The following CHD1L variants were observed in gnomAD, a reference collection of about 807,000 sequenced individuals.
CHD1L encodes ATP-dependent chromatin remodeler CHD1L.
A neutral mutation model predicts 115.9 loss-of-function variants in CHD1L; 118 were observed. The ratio of observed to expected loss-of-function variants is 1.02; its 90% CI spans 0.88 to 1.19. CHD1L has a LOEUF of 1.19. Ranked by LOEUF, CHD1L falls within the 50% of genes most tolerant of loss-of-function variation. The probability of loss-of-function intolerance (pLI) is 0.00; values close to 1 mark genes in which losing one functional copy is unlikely to be tolerated. For missense variants in CHD1L, 1,179 were observed against 1,065.3 expected (o/e 1.11, Z -1.49); for synonymous variants, 411 against 387.1 (o/e 1.06, Z -0.72).
the CHD1L span, among the ~76,000 whole-genome samples, chr1:147,220,161 T>G: frequency 6.6e-6 from 1 of 152,112 alleles, no homozygotes; most frequent in Non-Finnish European, 1.5e-5. Context: ...TATACTAGAA[T>G]GAACAACTGG....
chr1:147,207,909 T>G, the CHD1L span, among the ~76,000 whole-genome samples: 4 of 152,338 alleles, frequency 2.6e-5, no homozygotes, highest in African/African-American at 9.6e-5. Flanking sequence ...CACCACTGCC[T>G]GAGACAGACA....
At chr1:147,263,390 C>G (rs1364129977) in intron 6 of CHD1L, among the ~76,000 whole-genome samples, 2 of 144,098 alleles carry the variant, frequency 1.4e-5, no homozygotes, top group African/African-American at 2.6e-5. Context: ...GATCATGCCT[C>G]TGTACTCCAG....
At chr1:147,290,120 T>C (rs1684923578) in intron 19 of CHD1L, among the ~76,000 whole-genome samples, 1 of 151,872 alleles carries the variant, frequency 6.6e-6, no homozygotes, top group Admixed American at 6.6e-5. Context: ...TGAGATGGAG[T>C]CTCATTGTCT....
At chr1:147,183,058 C>T in the CHD1L span, among the ~76,000 whole-genome samples, 23 of 152,262 alleles carry the variant, frequency 1.5e-4, no homozygotes, top group African/African-American at 4.8e-4. Context: ...ATTAGCCAGG[C>T]GTGGTGGCGG....
In CHD1L at chr1:147,254,862, T is replaced by C. The variant is rs1669569766; in HGVS notation, c.241-8T>C. The C allele has an allele frequency of 1.9e-6, 3 of 1,573,620 alleles. No homozygotes were observed. The Admixed American group carries it at 5.9e-5, about 31-fold the overall frequency. ...GATCAAAACTGCCTTTCTTTTTCTGTGTTCCAGACTATTGCTCTCTTCATT... is the reference window on the plus strand; with the variant it reads ...GATCAAAACTGCCTTTCTTTTTCTGCGTTCCAGACTATTGCTCTCTTCATT... On this transcript the variant is annotated splice_polypyrimidine_tract_variant and splice_region_variant and intron_variant, in intron 2 of 22. Transcript: ENST00000369258.
Position 147,255,889 on chromosome 1 carries a change from C to T in CHD1L, c.424C>T (p.Gln142Ter). 1 of 1,613,820 alleles carries T rather than the reference C, an allele frequency of 6.2e-7. No individual in the cohort carries two copies. Among genetic ancestry groups the T allele is most frequent in the South Asian group, 1.1e-5 (1 of 91,024 alleles). The change falls in exon 4 of 23, where the codon CAG becomes TAG. Residue 142 changes from glutamine (Q) to a stop codon, truncating the protein, a stop_gained. Transcript: ENST00000369258. LOFTEE classifies it high-confidence loss of function. ...AGCCTGCCTTCAGCAAGACCTGAAA[C>T]AGGAGTCACGTTTTCATGTGCTACT... ...ERACLQQDLK[Q>*]ESRFHVLLTT... is the part of the protein sequence containing the mutation.
chr1:147,203,244 C>T, the CHD1L span: 4 of 1,190,750 alleles, frequency 3.4e-6, no homozygotes, highest in South Asian at 5.4e-5. Context: ...ACAAATACAG[C>T]CTTCACCTAC....
intron 19 of CHD1L, among the ~76,000 whole-genome samples, chr1:147,288,329 A>AAAAAAAG (rs1684116275): frequency 3.7e-3 from 5 of 1,352 alleles, no homozygotes; most frequent in Non-Finnish European, 9.6e-3. Flanking sequence ...TTTCAATAAA[A>AAAAAAAG]AAAAAAAAAA....
At chr1:147,274,367 A>G (rs7545255) in intron 12 of CHD1L, among the ~76,000 whole-genome samples, 55,075 of 151,904 alleles carry the variant, frequency 0.36, 10,064 homozygotes, top group East Asian at 0.42. Context: ...ATCGGTCATG[A>G]TTACCTCCTT....
intron 1 of CHD1L, among the ~76,000 whole-genome samples, chr1:147,249,107 T>C (rs1667544002): frequency 6.6e-6 from 1 of 152,182 alleles, no homozygotes; most frequent in African/African-American, 2.4e-5. Context: ...TCTTTGAGGG[T>C]AGGTTTGTTG....
chr1:147,286,497 G>A lies in CHD1L; in HGVS notation c.2218G>A (p.Val740Ile), dbSNP rs142193146. Residue 740 changes from valine (V) to isoleucine (I), a missense_variant, in exon 18 of 23, where the codon GTA (valine) becomes ATA (isoleucine). By Grantham distance (29) the Val-to-Ile change is conservative (BLOSUM62 3). Transcript: ENST00000369258. Reference sequence around the variant, plus strand: ...CGAGGATGCTCTCATTGTGCACTGCGTAGGTACGAGAAGTGGTATGGGCTG... The same window carrying A: ...CGAGGATGCTCTCATTGTGCACTGCATAGGTACGAGAAGTGGTATGGGCTG... ...GAEDALIVHCVDDSGHWGRGG... is the reference protein window; with the variant it reads ...GAEDALIVHCIDDSGHWGRGG... 36 of 1,613,126 alleles carry A rather than the reference G, an allele frequency of 2.2e-5. No homozygotes were observed. In the African/African-American group the frequency reaches 3.5e-4, roughly 16 times the overall value.
chr1:147,238,190 A>G (rs1664646840), upstream of CHD1L, among the ~76,000 whole-genome samples: 1 of 152,204 alleles, frequency 6.6e-6, no homozygotes, highest in Non-Finnish European at 1.5e-5. Context: ...TTTTCATCCC[A>G]GCACAAAAAT....
chr1:147,275,276 C>A, intron 12 of CHD1L, 78 bp from the exon 13 acceptor site: 1 of 1,027,716 alleles, frequency 9.7e-7, no homozygotes, highest in South Asian at 1.3e-5. Flanking sequence ...ATCAGTCTGA[C>A]CCACTCTAGC....
Position 147,255,882 on chromosome 1 carries a change from C to G in CHD1L, c.417C>G (p.Asp139Glu). 3.7e-6 allele frequency: 6 copies of G among 1,613,816 alleles called. No individual in the cohort carries two copies. Among genetic ancestry groups the G allele is most frequent in the Non-Finnish European group, 5.1e-6 (6 of 1,179,806 alleles). Residue 139 changes from aspartate to glutamate, a missense_variant, in exon 4 of 23, where the codon GAC (aspartate) becomes GAG (glutamate). Asp to Glu is a conservative substitution (Grantham distance 45, BLOSUM62 2). Coordinates refer to ENST00000369258, the MANE Select transcript of CHD1L (RefSeq NM_004284.6). ...AGGAAAGAGCCTGCCTTCAGCAAGA[C>G]CTGAAACAGGAGTCACGTTTTCATG... Reference protein sequence around the residue: ...DKEERACLQQDLKQESRFHVL... With the variant: ...DKEERACLQQELKQESRFHVL...
chr1:147,229,295 G>A, the CHD1L span, among the ~76,000 whole-genome samples: 1 of 152,010 alleles, frequency 6.6e-6, no homozygotes, highest in African/African-American at 2.4e-5. Flanking sequence ...TTTTTGTGAG[G>A]TTTGTCAAAG....
the CHD1L span, among the ~76,000 whole-genome samples, chr1:147,197,673 T>C: frequency 1.3e-5 from 2 of 152,150 alleles, no homozygotes; most frequent in African/African-American, 4.8e-5. Context: ...GATTGTAAGT[T>C]TCCTGAGGCC....
In CHD1L at chr1:147,280,050, T is replaced by G. The variant is rs781905773; in HGVS notation, c.1564T>G (p.Leu522Val). The G allele has an allele frequency of 6.2e-7, 1 of 1,614,066 alleles. No homozygotes were observed. Among genetic ancestry groups the G allele is most frequent in the Non-Finnish European group, 8.5e-7 (1 of 1,180,020 alleles). Residue 522 changes from leucine (L) to valine (V), a missense_variant, in exon 15 of 23, where the codon TTG (leucine) becomes GTG (valine). Coordinates refer to ENST00000369258, the MANE Select transcript of CHD1L (RefSeq NM_004284.6). ...LQLSEILKFG[L>V]DKLLASEGST... ...GTTGAGTGAGATACTCAAATTTGGT[T>G]TGGATAAACTGCTGGCCTCTGAGGG...
At chr1:147,231,724 C>G in the CHD1L span, among the ~76,000 whole-genome samples, 1 of 152,062 alleles carries the variant, frequency 6.6e-6, no homozygotes, top group Non-Finnish European at 1.5e-5. Context: ...GTAGGACCCT[C>G]GGAGCCAGGC....
chr1:147,237,512 G>A, the CHD1L span, among the ~76,000 whole-genome samples: 1 of 152,160 alleles, frequency 6.6e-6, no homozygotes, highest in Admixed American at 6.5e-5. Flanking sequence ...AGCCACAGCT[G>A]TACCTGGGGA....
Sources: allele counts gnomAD v4.1 joint callset (sites outside exome capture counted in the v4.1 genomes callset), GRCh38; gene constraint gnomAD v4.1.1; transcripts MANE v1.5; gene names NCBI Gene and HGNC (gene_info 2026-07-23, HGNC 2026-07-21).